DENND1B: variants seen among roughly 807,000 people sequenced by gnomAD.
DENND1B encodes the protein DENN domain-containing protein 1B.
In DENND1B, 59 loss-of-function variants were observed where a neutral mutation model predicts 90.1. That is an observed-to-expected ratio of 0.65 (90% CI 0.53 to 0.81). DENND1B has a LOEUF of 0.81. DENND1B is among the 40% of genes least tolerant of loss of function. The pLI is 0.00. For synonymous variants in DENND1B, 337 were observed against 324.6 expected, an observed-to-expected ratio of 1.04 and a Z score of -0.41; for missense variants, 862 against 912.6, an observed-to-expected ratio of 0.94 and a Z score of 0.71.
intron 3 of DENND1B, chr1:197,689,073 C>T (rs934266023): frequency 2.4e-5 from 5 of 209,026 alleles, no homozygotes; most frequent in Admixed American, 1.7e-4. Flanking sequence ...AACATGATTA[C>T]AGAAACATTT....
chr1:197,726,924 C>T (rs1661691081), intron 2 of DENND1B, among the ~76,000 whole-genome samples: 1 of 152,112 alleles, frequency 6.6e-6, no homozygotes, highest in South Asian at 2.1e-4. Context: ...ATGAACACAA[C>T]ATAGCTATTA....
At chr1:197,697,640 T>A (rs912146668) in intron 3 of DENND1B, among the ~76,000 whole-genome samples, 3 of 151,842 alleles carry the variant, frequency 2.0e-5, no homozygotes, top group African/African-American at 7.3e-5. Context: ...AATTGGATAG[T>A]CAAGACCCAC....
chr1:197,530,972 T>A (rs1349330101), intron 20 of DENND1B, among the ~76,000 whole-genome samples: 1 of 152,172 alleles, frequency 6.6e-6, no homozygotes, highest in African/African-American at 2.4e-5. Flanking sequence ...CCATCCAACA[T>A]AAAGGCATGA....
chr1:197,742,435 T>C (rs914249584), intron 2 of DENND1B, among the ~76,000 whole-genome samples: 2 of 152,194 alleles, frequency 1.3e-5, no homozygotes, highest in Non-Finnish European at 2.9e-5. Flanking sequence ...TCTTGCAGTC[T>C]AGCTGGCATA....
intron 2 of DENND1B, among the ~76,000 whole-genome samples, chr1:197,770,807 TATAA>T (rs1234905987): frequency 2.9e-5 from 4 of 139,980 alleles, no homozygotes; most frequent in Non-Finnish European, 4.6e-5. Context: ...TAAATATATA[TATAA>T]ATATATATGT....
At chr1:197,520,202 C>A (rs1029928466) in intron 20 of DENND1B, among the ~76,000 whole-genome samples, 6 of 152,044 alleles carry the variant, frequency 3.9e-5, no homozygotes, top group African/African-American at 1.4e-4. Flanking sequence ...TTCACTTCAA[C>A]ATCCATTAAG....
intron 6 of DENND1B, among the ~76,000 whole-genome samples, chr1:197,658,047 T>C (rs1488115895): frequency 6.6e-6 from 1 of 152,122 alleles, no homozygotes; most frequent in African/African-American, 2.4e-5. Context: ...CATAGACTAT[T>C]CAGATTCATA....
chr1:197,682,629 G>C (rs184719436), intron 3 of DENND1B, among the ~76,000 whole-genome samples: 6 of 152,240 alleles, frequency 3.9e-5, no homozygotes, highest in Admixed American at 3.9e-4. Flanking sequence ...GGCAGGTCTA[G>C]GAGAAAAGTC....
chr1:197,665,685 T>C lies in DENND1B; in HGVS notation c.296+6352A>G, dbSNP rs1052808880. On this transcript the variant is annotated intron_variant, in intron 5 of 22. Coordinates refer to ENST00000620048, the MANE Select transcript of DENND1B (RefSeq NM_001195215.2). The stretch of plus-strand genomic sequence containing the variant: ...TTGAAATATCTTAAAGCTTCTTAAA[T>C]GTATGGCATTTTAATTATGTCTATG... 7.2e-5 allele frequency among the ~76,000 whole-genome samples: 11 copies of C among 152,148 alleles called. No homozygotes were observed. In the South Asian group the frequency reaches 2.1e-3, roughly 29 times the overall value.
intron 3 of DENND1B, among the ~76,000 whole-genome samples, chr1:197,692,983 A>G (rs997658255): frequency 6.6e-6 from 1 of 151,672 alleles, no homozygotes; most frequent in African/African-American, 2.4e-5. Flanking sequence ...TAAAAACATC[A>G]TCTTCCCTCA....
chr1:197,631,377 A>AGAT (rs1299578940), intron 10 of DENND1B, among the ~76,000 whole-genome samples: 1 of 152,182 alleles, frequency 6.6e-6, no homozygotes, highest in Non-Finnish European at 1.5e-5. Flanking sequence ...AAAAGAAATT[A>AGAT]GATGAATTAT....
chr1:197,746,675 T>A (rs1663787278), intron 2 of DENND1B: 1 of 758,614 alleles, frequency 1.3e-6, no homozygotes, highest in Non-Finnish European at 2.3e-6. Flanking sequence ...TCTGACATAT[T>A]TAACACAGGC....
At chr1:197,734,666 C>G (rs1295598827) in intron 2 of DENND1B, 4 of 984,094 alleles carry the variant, frequency 4.1e-6, no homozygotes, top group East Asian at 1.1e-4. Flanking sequence ...ACCCTACAAA[C>G]AGACAGCAAT....
intron 20 of DENND1B, among the ~76,000 whole-genome samples, chr1:197,528,488 A>T (rs1297366465): frequency 1.3e-5 from 2 of 152,232 alleles, no homozygotes; most frequent in Non-Finnish European, 1.5e-5. Context: ...CCAAAAAGAC[A>T]AAAAGTTTCA....
chr1:197,601,354 A>T (rs185523590), intron 13 of DENND1B, among the ~76,000 whole-genome samples: 3 of 151,844 alleles, frequency 2.0e-5, no homozygotes, highest in Non-Finnish European at 4.4e-5. Context: ...TAATTCATTT[A>T]AAAGGTCACC....
At chr1:197,565,447 T>C (rs996810930) in intron 15 of DENND1B, among the ~76,000 whole-genome samples, 1 of 151,822 alleles carries the variant, frequency 6.6e-6, no homozygotes, top group African/African-American at 2.4e-5. Context: ...AGTAACACTT[T>C]ACTCCTATAA....
At chr1:197,542,131 C>A (rs907156128) in intron 18 of DENND1B, among the ~76,000 whole-genome samples, 23 of 152,146 alleles carry the variant, frequency 1.5e-4, no homozygotes, top group African/African-American at 4.8e-4. Context: ...ATGCTCCAAG[C>A]AAATGGCTTT....
chr1:197,774,865 G>A (rs533744677), intron 1 of DENND1B, among the ~76,000 whole-genome samples: 22 of 151,890 alleles, frequency 1.4e-4, no homozygotes, highest in African/African-American at 5.3e-4. Flanking sequence ...CCTGTCCCCC[G>A]AAAGGCGGGC....
intron 1 of DENND1B, 107 bp from the exon 2 acceptor site, chr1:197,773,039 C>T: frequency 1.1e-6 from 1 of 947,090 alleles, no homozygotes; most frequent in African/African-American, 1.6e-5. Context: ...CAATACATTT[C>T]ACGTGACTGT....
Sources: gnomAD v4.1 joint callset for allele counts (sites outside exome capture counted in the v4.1 genomes callset) on GRCh38, gnomAD v4.1.1 for gene constraint, MANE v1.5 for transcripts, NCBI Gene and HGNC (gene_info 2026-07-23, HGNC 2026-07-21) for gene names.